The following CADPS variants were observed in gnomAD, a reference collection of about 807,000 sequenced individuals.
The protein encoded by CADPS is calcium-dependent secretion activator 1.
CADPS carries 57 observed loss-of-function variants against 167.3 expected under a neutral mutation model. That is an observed-to-expected ratio of 0.34 (90% CI 0.28 to 0.42). The LOEUF is 0.42. Ranked by LOEUF, CADPS falls within the 20% of genes least tolerant of loss-of-function variation. The pLI is 1.00. For synonymous variants in CADPS, 676 were observed against 635.3 expected (o/e 1.06, Z -0.96); for missense variants, 1,414 against 1,738.1 (o/e 0.81, Z 3.32).
chr3:62,498,059 GA>G, intron 18 of CADPS: 1 of 454,084 alleles, frequency 2.2e-6, no homozygotes, highest in Non-Finnish European at 4.4e-6. Flanking sequence ...GGAGCACCAG[GA>G]AAAGTCCCAT....
chr3:62,619,720 T>TTGGAAATTA (rs1386659832), intron 6 of CADPS, among the ~76,000 whole-genome samples: 1 of 152,180 alleles, frequency 6.6e-6, no homozygotes, highest in Admixed American at 6.5e-5. Context: ...TTTGGAATAC[T>TTGGAAATTA]TGGAAATTAC....
chr3:62,829,021 G>A (rs1913227), intron 1 of CADPS, among the ~76,000 whole-genome samples: 2 of 152,100 alleles, frequency 1.3e-5, no homozygotes, highest in Non-Finnish European at 2.9e-5. Context: ...GCTTAGTCTA[G>A]GGCTAATTAT....
At chr3:62,530,871 T>A (rs1312255227) in intron 13 of CADPS, 3 of 949,376 alleles carry the variant, frequency 3.2e-6, no homozygotes, top group South Asian at 2.6e-5. Flanking sequence ...CATAGGAGAA[T>A]CAAGAGCACA....
At position 62,676,899 on chromosome 3, in the gene CADPS, C is replaced by T. The variant is rs571017925; in HGVS notation, c.889-14505G>A. 8.5e-5 allele frequency among the ~76,000 whole-genome samples: 13 copies of T among 152,262 alleles called. No homozygotes were observed. In the East Asian group the frequency reaches 2.3e-3, roughly 27 times the overall value. ...ACAAGATAGCGCCCTGGGTGACAGC[C>T]TGGGGCTTTGATGCAGGAAGGATGG... On this transcript the variant is annotated intron_variant, in intron 3 of 29. Coordinates refer to ENST00000383710, the MANE Select transcript of CADPS (RefSeq NM_003716.4).
intron 11 of CADPS, among the ~76,000 whole-genome samples, chr3:62,547,599 C>CT (rs1491241966): frequency 2.6e-5 from 3 of 113,238 alleles, no homozygotes; most frequent in African/African-American, 1.2e-4. Context: ...CCCCCCCCCC[C>CT]GCAAATTCTA....
intron 29 of CADPS, among the ~76,000 whole-genome samples, chr3:62,400,816 T>G (rs1705770440): frequency 6.6e-6 from 1 of 152,090 alleles, no homozygotes; most frequent in Admixed American, 6.5e-5. Flanking sequence ...GCCAGGATGG[T>G]CTTGATCTCC....
chr3:62,414,559 T>A (rs950186484), intron 28 of CADPS, among the ~76,000 whole-genome samples: 5 of 152,218 alleles, frequency 3.3e-5, no homozygotes, highest in African/African-American at 1.2e-4. Context: ...ACTGCCCCAC[T>A]GAGGAGCATT....
At chr3:62,704,754 T>TCAGGTATGGAAGGATCCAGTATCAAACAG (rs1364248782) in intron 3 of CADPS, among the ~76,000 whole-genome samples, 1 of 152,174 alleles carries the variant, frequency 6.6e-6, no homozygotes, top group African/African-American at 2.4e-5. Context: ...TCAAATTTTA[T>TCAGGTATGGAAGGATCCAGTATCAAACAG]CAGGTATGGA....
chr3:62,742,150 C>T (rs990493806), intron 3 of CADPS, among the ~76,000 whole-genome samples: 3 of 152,062 alleles, frequency 2.0e-5, no homozygotes, highest in Admixed American at 6.6e-5. Context: ...GGAAAAACAT[C>T]CAATGCTCAT....
chr3:62,636,835 C>G (rs189851538), intron 6 of CADPS, among the ~76,000 whole-genome samples: 15 of 152,172 alleles, frequency 9.9e-5, no homozygotes, highest in African/African-American at 3.6e-4. Flanking sequence ...AGAACTAGTT[C>G]TTTTATCATC....
intron 4 of CADPS, among the ~76,000 whole-genome samples, chr3:62,651,513 C>T (rs544967044): frequency 6.6e-6 from 1 of 152,092 alleles, no homozygotes; most frequent in Non-Finnish European, 1.5e-5. Flanking sequence ...GAGATTTTCT[C>T]ACATGAATAA....
intron 29 of CADPS, among the ~76,000 whole-genome samples, chr3:62,401,164 G>C (rs1241059030): frequency 6.6e-6 from 1 of 152,188 alleles, no homozygotes; most frequent in Non-Finnish European, 1.5e-5. Context: ...ATGGGGACGG[G>C]TAAGAGACTG....
intron 9 of CADPS, among the ~76,000 whole-genome samples, chr3:62,567,564 C>CT (rs10561022): frequency 0.029 from 970 of 33,848 alleles, 174 homozygotes; most frequent in African/African-American, 0.05. Flanking sequence ...CTAAGCACTG[C>CT]TTTTTTTTTT....
intron 3 of CADPS, among the ~76,000 whole-genome samples, chr3:62,723,862 G>A (rs948164885): frequency 4.6e-5 from 7 of 152,178 alleles, no homozygotes; most frequent in Non-Finnish European, 8.8e-5. Context: ...AGGTAGCCAC[G>A]TTCTCAGAGA....
intron 6 of CADPS, among the ~76,000 whole-genome samples, chr3:62,607,612 G>C (rs2060867531): frequency 6.6e-6 from 1 of 152,212 alleles, no homozygotes; most frequent in South Asian, 2.1e-4. Flanking sequence ...GCCATTCAGG[G>C]CTTTGGCTGC....
At chr3:62,626,146 G>A (rs1352208659) in intron 6 of CADPS, 2 of 166,406 alleles carry the variant, frequency 1.2e-5, no homozygotes, top group African/African-American at 2.4e-5. Context: ...TCTGTTAAAT[G>A]TTCTCTTCCC....
At chr3:62,454,599 G>C (rs1350765604) in intron 26 of CADPS, among the ~76,000 whole-genome samples, 2 of 152,132 alleles carry the variant, frequency 1.3e-5, no homozygotes, top group Non-Finnish European at 2.9e-5. Context: ...GAAGTATTTT[G>C]AACAACAAAA....
At chr3:62,588,297 CTTT>C (rs34533495) in intron 7 of CADPS, among the ~76,000 whole-genome samples, 1 of 139,842 alleles carries the variant, frequency 7.2e-6, no homozygotes. Context: ...CCAGGTCTTT[CTTT>C]TTTTTTTTTT....
At chr3:62,510,534 C>G (rs1019226834) in intron 17 of CADPS, among the ~76,000 whole-genome samples, 1 of 152,126 alleles carries the variant, frequency 6.6e-6, no homozygotes, top group Admixed American at 6.6e-5. Context: ...CATAGACTAG[C>G]AGGCTTTTGC....
Sources: gnomAD v4.1 joint callset for allele counts (sites outside exome capture counted in the v4.1 genomes callset) on GRCh38, gnomAD v4.1.1 for gene constraint, MANE v1.5 for transcripts, NCBI Gene and HGNC (gene_info 2026-07-23, HGNC 2026-07-21) for gene names.